The following AFF2 variants were observed in gnomAD, a reference collection of about 807,000 sequenced individuals.
The protein encoded by AFF2 is AF4/FMR2 family member 2.
In AFF2, 14 loss-of-function variants were observed where a neutral mutation model predicts 76.9. That is an observed-to-expected ratio of 0.18 (90% CI 0.12 to 0.28). The LOEUF is 0.28. Among genes scored for constraint, AFF2 ranks in the 10% least tolerant of loss-of-function variants. AFF2 has a pLI of 1.00. For missense variants in AFF2, 868 were observed against 1,001.1 expected, an observed-to-expected ratio of 0.87 and a Z score of 1.79; for synonymous variants, 398 against 366.7, an observed-to-expected ratio of 1.09 and a Z score of -0.98.
chrX:148,705,002 G>T (rs145525430), intron 3 of AFF2, among the ~76,000 whole-genome samples: 2,552 of 110,902 alleles, frequency 0.023, 65 homozygotes, highest in African/African-American at 0.079. Context: ...GTTTCACACA[G>T]GCACCCAAGT....
intron 1 of AFF2, among the ~76,000 whole-genome samples, chrX:148,645,249 T>C (rs2054133873): frequency 8.9e-6 from 1 of 112,217 alleles, no homozygotes; most frequent in East Asian, 2.8e-4. Context: ...TCATCTTATC[T>C]GTTAAATGTG....
intron 7 of AFF2, among the ~76,000 whole-genome samples, chrX:148,864,665 A>G (rs1557276699): frequency 1.8e-5 from 2 of 112,357 alleles, no homozygotes. Context: ...TATAAGTCTG[A>G]TAAAGCTTTT....
chrX:148,784,565 T>C (rs782492330), intron 3 of AFF2, among the ~76,000 whole-genome samples: 1 of 111,673 alleles, frequency 9.0e-6, no homozygotes, highest in East Asian at 2.8e-4. Flanking sequence ...CAGTACCTAA[T>C]GCTACGGTGC....
At chrX:148,935,225 T>C (rs1391234555) in intron 9 of AFF2, among the ~76,000 whole-genome samples, 3 of 110,431 alleles carry the variant, frequency 2.7e-5, no homozygotes, top group African/African-American at 9.9e-5. Context: ...ACAAAAAATA[T>C]TTATATGCAT....
At chrX:148,549,442 C>A (rs782683916) in intron 1 of AFF2, among the ~76,000 whole-genome samples, 12 of 111,861 alleles carry the variant, frequency 1.1e-4, no homozygotes, top group Non-Finnish European at 2.1e-4. Context: ...CATACCCTCT[C>A]TATTTGAAGG....
chrX:148,719,109 C>T lies in AFF2; in HGVS notation c.1041+56341C>T. ...TAAGGTGAGTTTTGGTTGTGGCAAC[C>T]CAGAGGAAGGTTGCAGTGGCCCATC... On this transcript the variant is annotated intron_variant, in intron 3 of 20. Coordinates refer to ENST00000370460, the MANE Select transcript of AFF2 (RefSeq NM_002025.4). 4 of 1,117,982 alleles carry T rather than the reference C, an allele frequency of 3.6e-6. No individual in the cohort carries two copies. In the East Asian group the frequency reaches 1.3e-4, roughly 37 times the overall value. The allele number at this position is 1,117,982 out of a possible 1,213,427, so 92.1% of individuals were successfully genotyped here.
chrX:148,843,571 T>A (rs2070628877), intron 7 of AFF2, 138 bp downstream of exon 7: 2 of 509,600 alleles, frequency 3.9e-6, no homozygotes, highest in East Asian at 3.7e-5. Context: ...TGTAGTTTGG[T>A]TGGGGTGGGG....
At chrX:148,979,628 C>T (rs901468730) in intron 18 of AFF2, among the ~76,000 whole-genome samples, 3 of 112,128 alleles carry the variant, frequency 2.7e-5, no homozygotes, top group African/African-American at 9.7e-5. Context: ...TGCTGCTGTT[C>T]TTGTGATCAC....
At chrX:148,825,326 C>G (rs1357242075) in intron 4 of AFF2, among the ~76,000 whole-genome samples, 6 of 111,727 alleles carry the variant, frequency 5.4e-5, no homozygotes, top group African/African-American at 2.0e-4. Flanking sequence ...AAAACTACTT[C>G]TCTGTATTAT....
chrX:148,602,275 A>G (rs1328321014), intron 1 of AFF2, among the ~76,000 whole-genome samples: 2 of 112,031 alleles, frequency 1.8e-5, no homozygotes, highest in African/African-American at 6.5e-5. Context: ...ATGAAATAAA[A>G]GAAGAAGGCG....
intron 7 of AFF2, among the ~76,000 whole-genome samples, chrX:148,853,812 C>A (rs376351916): frequency 8.9e-6 from 1 of 112,117 alleles, no homozygotes; most frequent in East Asian, 2.8e-4. Flanking sequence ...AATTAGATAT[C>A]CCCAGCATGT....
At chrX:148,669,091 G>A (rs897049993) in intron 3 of AFF2, among the ~76,000 whole-genome samples, 1 of 111,349 alleles carries the variant, frequency 9.0e-6, no homozygotes, top group African/African-American at 3.3e-5. Flanking sequence ...AGTCTCTAGG[G>A]CTGGGGCAAA....
chrX:148,663,622 C>T lies in AFF2; in HGVS notation c.1041+854C>T, dbSNP rs182350002. ...CTACCATGTAAGCGGCTGTCTACTG[C>T]ACCTCAAGCGTTTGATTGGAAGAAG... is the stretch of plus-strand genomic sequence containing the variant. On this transcript the variant is annotated intron_variant, in intron 3 of 20. Coordinates refer to ENST00000370460, the MANE Select transcript of AFF2 (RefSeq NM_002025.4). 8.0e-5 allele frequency among the ~76,000 whole-genome samples: 9 copies of T among 112,447 alleles called. No homozygotes were observed. In the East Asian group the frequency reaches 2.5e-3, roughly 32 times the overall value.
chrX:148,853,255 T>C (rs2070751720), intron 7 of AFF2, among the ~76,000 whole-genome samples: 1 of 111,546 alleles, frequency 9.0e-6, no homozygotes, highest in Admixed American at 9.5e-5. Flanking sequence ...ATTGTTATAT[T>C]GTTAAATCTT....
At chrX:148,812,535 G>A (rs902325007) in intron 4 of AFF2, among the ~76,000 whole-genome samples, 1 of 111,100 alleles carries the variant, frequency 9.0e-6, no homozygotes, top group African/African-American at 3.3e-5. Flanking sequence ...CACCTCCAAT[G>A]AAGGAATATT....
intron 12 of AFF2, among the ~76,000 whole-genome samples, chrX:148,960,975 T>G (rs2072102263): frequency 8.9e-6 from 1 of 111,789 alleles, no homozygotes; most frequent in African/African-American, 3.3e-5. Flanking sequence ...ACCAAGAAAG[T>G]CCTTAAAGAC....
chrX:148,532,229 T>C (rs1557236006), intron 1 of AFF2, among the ~76,000 whole-genome samples: 1 of 112,428 alleles, frequency 8.9e-6, no homozygotes, highest in Non-Finnish European at 1.9e-5. Flanking sequence ...AATTATTGAG[T>C]CTACATTAAT....
intron 9 of AFF2, among the ~76,000 whole-genome samples, chrX:148,922,537 G>A (rs2071607394): frequency 8.9e-6 from 1 of 111,849 alleles, no homozygotes; most frequent in African/African-American, 3.2e-5. Flanking sequence ...CATGGAATAT[G>A]GTTTCGATTT....
At chrX:148,712,684 A>G (rs781783824) in intron 3 of AFF2, among the ~76,000 whole-genome samples, 1 of 112,323 alleles carries the variant, frequency 8.9e-6, no homozygotes, top group South Asian at 3.7e-4. Context: ...ATATAATGAA[A>G]TGTTTCATTT....
Sources: allele counts gnomAD v4.1 joint callset (sites outside exome capture counted in the v4.1 genomes callset), GRCh38; gene constraint gnomAD v4.1.1; transcripts MANE v1.5; gene names NCBI Gene and HGNC (gene_info 2026-07-23, HGNC 2026-07-21).